The following SLC44A3 variants were observed in gnomAD, a reference collection of about 807,000 sequenced individuals.
SLC44A3 encodes the protein choline transporter-like protein 3.
In SLC44A3, 74 loss-of-function variants were observed where a neutral mutation model predicts 75.4. That is an observed-to-expected ratio of 0.98 (90% CI 0.81 to 1.19). The LOEUF (loss-of-function observed/expected upper bound fraction) is 1.19. Among genes scored for constraint, SLC44A3 ranks in the 50% most tolerant of loss-of-function variants. SLC44A3 has a pLI of 0.00. For synonymous variants in SLC44A3, 310 were observed against 296.9 expected, an observed-to-expected ratio of 1.04 and a Z score of -0.45; for missense variants, 700 against 778.6, an observed-to-expected ratio of 0.90 and a Z score of 1.20.
intron 5 of SLC44A3, among the ~76,000 whole-genome samples, chr1:94,837,097 T>C (rs955062572): frequency 6.6e-6 from 1 of 152,134 alleles, no homozygotes; most frequent in Non-Finnish European, 1.5e-5. Context: ...ATCCCATACA[T>C]GACCCCACTT....
chr1:94,892,869 AG>A (rs1473361405), intron 14 of SLC44A3, among the ~76,000 whole-genome samples: 1 of 152,180 alleles, frequency 6.6e-6, no homozygotes, highest in Non-Finnish European at 1.5e-5. Context: ...GTGGTCTAGA[AG>A]TTTAACAGTT....
At chr1:94,824,053 T>A (rs1219547568) in intron 2 of SLC44A3, among the ~76,000 whole-genome samples, 5 of 147,494 alleles carry the variant, frequency 3.4e-5, no homozygotes, top group Non-Finnish European at 6.0e-5. Flanking sequence ...TTCTGCAGAA[T>A]CCCTTAAAAG....
intron 9 of SLC44A3, among the ~76,000 whole-genome samples, chr1:94,846,313 T>C (rs372464248): frequency 4.6e-5 from 7 of 152,286 alleles, no homozygotes; most frequent in African/African-American, 1.7e-4. Context: ...TCAGCTTTGG[T>C]GCTTTATTAA....
At chr1:94,839,856 C>A in intron 6 of SLC44A3, 92 bp from the exon 7 acceptor site, 1 of 864,600 alleles carries the variant, frequency 1.2e-6, no homozygotes, top group Non-Finnish European at 2.0e-6. Context: ...TCAGCCGTCA[C>A]TGTTCTGGAG....
chr1:94,890,522 T>C (rs761920035), intron 12 of SLC44A3, among the ~76,000 whole-genome samples: 8 of 152,218 alleles, frequency 5.3e-5, no homozygotes, highest in Non-Finnish European at 1.2e-4. Context: ...TGACTGAGGC[T>C]GAATTGAGTA....
At chr1:94,853,834 T>C (rs925516703) in intron 9 of SLC44A3, among the ~76,000 whole-genome samples, 1 of 150,448 alleles carries the variant, frequency 6.6e-6, no homozygotes, top group Non-Finnish European at 1.5e-5. Flanking sequence ...AAGTTTCTGA[T>C]AGTAACTCAG....
At chr1:94,829,068 A>G (rs1661759618) in intron 5 of SLC44A3, among the ~76,000 whole-genome samples, 1 of 152,110 alleles carries the variant, frequency 6.6e-6, no homozygotes, top group Non-Finnish European at 1.5e-5. Context: ...GTGAATCCCC[A>G]TCTCTAAATA....
chr1:94,882,438 C>G (rs1053313035), intron 12 of SLC44A3, among the ~76,000 whole-genome samples: 70 of 152,316 alleles, frequency 4.6e-4, no homozygotes, highest in South Asian at 2.1e-3. Flanking sequence ...CCCCGTCCTC[C>G]GTGTTTCCCA....
chr1:94,889,793 GAAA>G (rs1031942633), intron 12 of SLC44A3, among the ~76,000 whole-genome samples: 9 of 150,736 alleles, frequency 6.0e-5, no homozygotes, highest in African/African-American at 2.2e-4. Context: ...ATTATACAAA[GAAA>G]AAAGCCAGAT....
chr1:94,827,609 C>T lies in SLC44A3; in HGVS notation c.381C>T (p.Ser127=). Residue 127 remains serine (S), a synonymous_variant, in exon 4 of 15, where the codon TCC becomes TCT. Transcript: ENST00000271227. ...ACTGCCCTGAAGAGCAGCTTGACTC[C>T]CTGGAAGAGGTCCAGTTCTTTGCAA... ...VSNCPEEQLD[S]LEEVQFFANT... The T allele has an allele frequency of 1.9e-6, 3 of 1,614,156 alleles. No individual in the cohort carries two copies. Among genetic ancestry groups the T allele is most frequent in the South Asian group, 2.2e-5 (2 of 91,078 alleles).
chr1:94,881,120 G>A (rs977138166), intron 12 of SLC44A3, among the ~76,000 whole-genome samples: 4 of 152,122 alleles, frequency 2.6e-5, no homozygotes, highest in African/African-American at 9.7e-5. Flanking sequence ...ACTGCAAGGT[G>A]GACCAAACTA....
In SLC44A3 at chr1:94,888,910, T is replaced by C. The variant is rs118041506; in HGVS notation, c.1483-2220T>C. On this transcript the variant is annotated intron_variant, in intron 12 of 14. Transcript: ENST00000271227. ...ACGACTGGCTATATATATATATATA[T>C]ACACATATATATGTATATTTTGTAT... 1.5e-3 allele frequency among the ~76,000 whole-genome samples: 193 copies of C among 126,978 alleles called. 1 individual carries two copies. The highest frequency in any genetic ancestry group is 5.3e-3 in the African/African-American group (180 of 34,152). The allele number at this position is 126,978 out of a possible 152,430, so 83.3% of individuals were successfully genotyped here.
chr1:94,845,385 C>T lies in SLC44A3; in HGVS notation c.993C>T (p.Phe331=). 6.2e-7 allele frequency: 1 copy of T among 1,614,154 alleles called. No homozygotes were observed. The highest frequency in any genetic ancestry group is 8.5e-7 in the Non-Finnish European group (1 of 1,180,032). ...KAISSAPFLL[F]QPLWTFAILI... ...TCAGCAGTGCTCCCTTCCTGCTGTT[C>T]CAGCCACTGTGGACATTTGCCATCC... Residue 331 remains phenylalanine (F), a synonymous_variant, in exon 9 of 15, where the codon TTC becomes TTT. Coordinates refer to ENST00000271227, the MANE Select transcript of SLC44A3 (RefSeq NM_001114106.3).
At chr1:94,820,896 G>A in intron 1 of SLC44A3, 53 bp from the exon 2 acceptor site, 1 of 1,499,294 alleles carries the variant, frequency 6.7e-7, no homozygotes, top group South Asian at 1.2e-5. Context: ...TCGGTTTCCA[G>A]GTTGAGTCCA....
Position 94,894,845 on chromosome 1 carries a change from A to G in SLC44A3, c.1885A>G (p.Asn629Asp), listed in dbSNP as rs1195750950. ...TTTCGTAAAAAGGAGCAACAAATTA[A>G]ACAATGCAAGGGCACAGCAGGACAA... ...LSFVKRSNKL[N>D]NARAQQDKHS... Residue 629 changes from asparagine to aspartate, a missense_variant, in exon 15 of 15, where the codon AAC becomes GAC. Coordinates refer to ENST00000271227, the MANE Select transcript of SLC44A3 (RefSeq NM_001114106.3). The G allele has an allele frequency of 6.2e-7, 1 of 1,611,862 alleles. No homozygotes were observed. The highest frequency in any genetic ancestry group is 1.3e-5 in the African/African-American group (1 of 74,872).
At chr1:94,847,729 A>G (rs1330851904) in intron 9 of SLC44A3, among the ~76,000 whole-genome samples, 3 of 152,178 alleles carry the variant, frequency 2.0e-5, no homozygotes, top group Non-Finnish European at 4.4e-5. Flanking sequence ...TCTGTCCCCC[A>G]GGCATCACAG....
At position 94,837,827 on chromosome 1, in the gene SLC44A3, T is replaced by C; in HGVS notation, c.626T>C (p.Met209Thr). 6 of 1,611,944 alleles carry C rather than the reference T, an allele frequency of 3.7e-6. No individual in the cohort carries two copies. Among genetic ancestry groups the C allele is most frequent in the Admixed American group, 1.7e-5 (1 of 59,428 alleles). ...CTCCACCGAATTCTAAGTGGAATCA[T>C]GTCGGGAAGAGATACAATCCTTGGC... ...DTLHRILSGI[M>T]SGRDTILGLC... Residue 209 changes from methionine (M) to threonine (T), a missense_variant, in exon 6 of 15, where the codon ATG becomes ACG. Coordinates refer to ENST00000271227, the MANE Select transcript of SLC44A3 (RefSeq NM_001114106.3).
intron 9 of SLC44A3, among the ~76,000 whole-genome samples, chr1:94,856,173 T>G (rs111578913): frequency 3.8e-4 from 58 of 152,300 alleles, no homozygotes; most frequent in African/African-American, 1.4e-3. Flanking sequence ...CTCCTGAAAT[T>G]TAATGATAGT....
chr1:94,877,370 A>G (rs1668405433), intron 12 of SLC44A3, among the ~76,000 whole-genome samples: 1 of 152,106 alleles, frequency 6.6e-6, no homozygotes, highest in Admixed American at 6.6e-5. Context: ...AGAATTGAAG[A>G]CTGGATGTCT....
Sources: gnomAD v4.1 joint callset for allele counts (sites outside exome capture counted in the v4.1 genomes callset) on GRCh38, gnomAD v4.1.1 for gene constraint, MANE v1.5 for transcripts, NCBI Gene and HGNC (gene_info 2026-07-23, HGNC 2026-07-21) for gene names.